Variants in MMP26 observed in about 807,000 individuals in gnomAD.
MMP26 encodes matrix metallopeptidase 26.
Under a neutral mutation model 31.0 loss-of-function variants are expected in MMP26, and 33 were observed. The ratio of observed to expected loss-of-function variants is 1.06; its 90% CI spans 0.81 to 1.42. MMP26 has a LOEUF of 1.42. Among genes scored for constraint, MMP26 ranks in the 40% most tolerant of loss-of-function variants. The pLI, the probability that MMP26 is intolerant of heterozygous loss-of-function variation, is 0.00. For missense variants in MMP26, 347 were observed against 316.1 expected (o/e 1.10, Z -0.74); for synonymous variants, 122 against 114.9 (o/e 1.06, Z -0.40).
intron 2 of MMP26, among the ~76,000 whole-genome samples, chr11:4,844,374 C>G (rs934908395): frequency 1.3e-5 from 2 of 152,036 alleles, no homozygotes; most frequent in Non-Finnish European, 2.9e-5. Flanking sequence ...TCAAACTATT[C>G]CAAAATATGG....
At chr11:4,954,625 C>T (rs1846409763) in intron 2 of MMP26, 4 of 537,172 alleles carry the variant, frequency 7.4e-6, no homozygotes, top group African/African-American at 4.0e-5. Context: ...AGTTTTATTC[C>T]CATTCTCAGT....
chr11:4,974,369 C>CA (rs11363104), intron 2 of MMP26, among the ~76,000 whole-genome samples: 6 of 150,120 alleles, frequency 4.0e-5, no homozygotes, highest in Non-Finnish European at 8.9e-5. Flanking sequence ...ACATAAAATT[C>CA]AAAAAAAAAT....
At chr11:4,927,480 C>A (rs1589942052) in intron 2 of MMP26, among the ~76,000 whole-genome samples, 2 of 152,088 alleles carry the variant, frequency 1.3e-5, no homozygotes, top group African/African-American at 4.8e-5. Flanking sequence ...AATCTCAAGT[C>A]CATTTGCCCC....
chr11:4,718,673 G>A (rs1024039958), intron 1 of MMP26: 4 of 155,050 alleles, frequency 2.6e-5, no homozygotes, highest in Middle Eastern at 5.2e-4. Flanking sequence ...GGTGTTCCTG[G>A]GCTGGAAGCC....
intron 4 of MMP26, 76 bp from the exon 5 acceptor site, chr11:4,990,522 G>A: frequency 7.2e-7 from 1 of 1,379,766 alleles, no homozygotes; most frequent in Non-Finnish European, 9.8e-7. Flanking sequence ...TCTCCCCAAA[G>A]TAGAATTATT....
chr11:4,860,051 G>T (rs1045654815), intron 2 of MMP26: 1 of 471,022 alleles, frequency 2.1e-6, no homozygotes, highest in African/African-American at 2.0e-5. Flanking sequence ...ACATTGGAAT[G>T]GCAGAAGGGT....
chr11:4,917,407 T>A (rs182924823), intron 2 of MMP26, among the ~76,000 whole-genome samples: 3 of 152,358 alleles, frequency 2.0e-5, no homozygotes, highest in Admixed American at 2.0e-4. Flanking sequence ...GCCATATAGA[T>A]AATAATTCAG....
At chr11:4,754,796 C>A (rs532002155) in intron 1 of MMP26, among the ~76,000 whole-genome samples, 1 of 151,916 alleles carries the variant, frequency 6.6e-6, no homozygotes, top group South Asian at 2.1e-4. Context: ...AAGCTTTTAT[C>A]CTCTTTTCAG....
At chr11:4,933,497 T>G (rs1170122846) in intron 2 of MMP26, among the ~76,000 whole-genome samples, 4 of 152,122 alleles carry the variant, frequency 2.6e-5, no homozygotes, top group African/African-American at 9.7e-5. Context: ...ATTGATTTTT[T>G]TTTTTAACCA....
chr11:4,879,029 T>G (rs1305457071), intron 2 of MMP26, among the ~76,000 whole-genome samples: 1 of 151,712 alleles, frequency 6.6e-6, no homozygotes, highest in Non-Finnish European at 1.5e-5. Context: ...TGGTTAGGAG[T>G]TTGAGACCAG....
intron 2 of MMP26, among the ~76,000 whole-genome samples, chr11:4,812,617 A>C (rs1849365078): frequency 6.6e-6 from 1 of 152,200 alleles, no homozygotes. Context: ...AAAGGGTTGG[A>C]TAGAGGGAAC....
intron 2 of MMP26, among the ~76,000 whole-genome samples, chr11:4,833,359 C>G (rs2133482521): frequency 6.6e-6 from 1 of 152,290 alleles, no homozygotes; most frequent in African/African-American, 2.4e-5. Flanking sequence ...GAGCAAAACT[C>G]TTGCAAATCT....
intron 2 of MMP26, among the ~76,000 whole-genome samples, chr11:4,767,974 G>A (rs907337347): frequency 1.3e-5 from 2 of 152,126 alleles, no homozygotes; most frequent in Non-Finnish European, 1.5e-5. Flanking sequence ...AACATTTTGT[G>A]TCTGTCTCTG....
At chr11:4,901,313 C>A (rs1431917676) in intron 2 of MMP26, among the ~76,000 whole-genome samples, 2 of 151,986 alleles carry the variant, frequency 1.3e-5, no homozygotes, top group African/African-American at 2.4e-5. Context: ...GTGCCTGCCA[C>A]CACACCTGGC....
intron 2 of MMP26, chr11:4,923,846 A>G: frequency 6.2e-7 from 1 of 1,614,054 alleles, no homozygotes; most frequent in Non-Finnish European, 8.5e-7. Flanking sequence ...GAAGCGCTTC[A>G]GGAGGAATGG....
intron 2 of MMP26, chr11:4,947,301 A>T (rs1846327448): frequency 5.1e-6 from 2 of 393,858 alleles, no homozygotes; most frequent in Middle Eastern, 6.4e-4. Context: ...TCTGTCGTAT[A>T]ATACATTGGA....
chr11:4,769,711 T>C (rs1270238890), intron 2 of MMP26: 1 of 1,613,218 alleles, frequency 6.2e-7, no homozygotes, highest in South Asian at 1.1e-5. Context: ...GATCAGTGGC[T>C]GATAGCCTGA....
intron 2 of MMP26, among the ~76,000 whole-genome samples, chr11:4,794,621 A>T (rs759482284): frequency 1.1e-4 from 16 of 152,042 alleles, no homozygotes; most frequent in Non-Finnish European, 1.9e-4. Flanking sequence ...TAGGTATTTG[A>T]CCTATGACCC....
intron 1 of MMP26, chr11:4,718,473 A>T (rs931694168): frequency 2.6e-5 from 4 of 152,122 alleles, no homozygotes; most frequent in African/African-American, 9.7e-5. Context: ...ACCAATCTTT[A>T]TGGGCTTTCT....
Sources: allele counts gnomAD v4.1 joint callset (sites outside exome capture counted in the v4.1 genomes callset), GRCh38; gene constraint gnomAD v4.1.1; transcripts MANE v1.5; gene names NCBI Gene and HGNC (gene_info 2026-07-23, HGNC 2026-07-21).